Variants in SPIRE1 observed in about 807,000 individuals in gnomAD.
The protein encoded by SPIRE1 is spire type actin nucleation factor 1, also known as protein spire homolog 1.
SPIRE1 carries 40 observed loss-of-function variants against 94.1 expected under a neutral mutation model. The observed-to-expected ratio is 0.43, with a 90% CI of 0.33 to 0.55. The LOEUF is 0.55. SPIRE1 is among the 20% of genes least tolerant of loss of function. SPIRE1 has a pLI of 0.06. For synonymous variants in SPIRE1, 376 were observed against 371.7 expected, an observed-to-expected ratio of 1.01 and a Z score of -0.13; for missense variants, 838 against 975.2, an observed-to-expected ratio of 0.86 and a Z score of 1.87.
chr18:12,632,336 G>A (rs549457705), intron 2 of SPIRE1, among the ~76,000 whole-genome samples: 9 of 152,112 alleles, frequency 5.9e-5, no homozygotes, highest in Non-Finnish European at 1.0e-4. Flanking sequence ...CCTGGCTCAC[G>A]CACTCCAGGC....
At chr18:12,586,760 A>G (rs1352670449) in intron 2 of SPIRE1, among the ~76,000 whole-genome samples, 2 of 152,228 alleles carry the variant, frequency 1.3e-5, no homozygotes, top group Non-Finnish European at 2.9e-5. Context: ...ATGTGTCTGG[A>G]AACTCAAGCA....
At chr18:12,599,839 G>A (rs1025402410) in intron 2 of SPIRE1, among the ~76,000 whole-genome samples, 4 of 152,154 alleles carry the variant, frequency 2.6e-5, no homozygotes, top group African/African-American at 7.2e-5. Flanking sequence ...ACCTCCTGCT[G>A]TTCATGCCCT....
chr18:12,603,964 G>T (rs767194211), intron 2 of SPIRE1, among the ~76,000 whole-genome samples: 6 of 152,112 alleles, frequency 3.9e-5, no homozygotes, highest in Admixed American at 6.5e-5. Context: ...AGCTTCCAGA[G>T]AGCTGAACAT....
rs1451213324 is a variant in SPIRE1, at chr18:12,450,260, G to A, written c.2013-364C>T. Among the ~76,000 whole-genome samples, 5 of 151,964 alleles carry A rather than the reference G, an allele frequency of 3.3e-5. No individual in the cohort carries two copies. In the South Asian group the frequency reaches 6.2e-4, roughly 19 times the overall value. On this transcript the variant is annotated intron_variant, in intron 16 of 16. Coordinates refer to ENST00000409402, the MANE Select transcript of SPIRE1 (RefSeq NM_001128626.2). ...TGTAATCCCCACTTCTCTGGAGGCT[G>A]AGGCGGGAGAATCGCTTGAACCCGG...
At chr18:12,603,076 T>C (rs1205440618) in intron 2 of SPIRE1, among the ~76,000 whole-genome samples, 1 of 152,224 alleles carries the variant, frequency 6.6e-6, no homozygotes, top group Non-Finnish European at 1.5e-5. Flanking sequence ...CTAGCCTACC[T>C]TAAACAGGTT....
chr18:12,474,837 A>G (rs1598907373), intron 10 of SPIRE1, among the ~76,000 whole-genome samples: 1 of 152,030 alleles, frequency 6.6e-6, no homozygotes, highest in South Asian at 2.1e-4. Context: ...CCCCCAAAAA[A>G]CCATGTTTGG....
rs577318224 is a variant in SPIRE1 at position 12,552,400 on chromosome 18, G to A, written c.373-5496C>T. On this transcript the variant is annotated intron_variant, in intron 2 of 16. Coordinates refer to ENST00000409402, the MANE Select transcript of SPIRE1 (RefSeq NM_001128626.2). ...AAGAGACCCCTTTTTTCCACTTGAA[G>A]AGAGGAGAGGGAAAAGAGGACTATA... 6.6e-5 allele frequency among the ~76,000 whole-genome samples: 10 copies of A among 152,252 alleles called. No homozygotes were observed. The South Asian group carries it at 1.9e-3, about 28-fold the overall frequency.
At chr18:12,576,444 TG>T (rs2036100108) in intron 2 of SPIRE1, among the ~76,000 whole-genome samples, 1 of 150,794 alleles carries the variant, frequency 6.6e-6, no homozygotes, top group Non-Finnish European at 1.5e-5. Context: ...TAGCCAGGTG[TG>T]GTGGCGGGTG....
At chr18:12,461,761 G>T (rs2031873935) in intron 12 of SPIRE1, among the ~76,000 whole-genome samples, 1 of 152,038 alleles carries the variant, frequency 6.6e-6, no homozygotes, top group Non-Finnish European at 1.5e-5. Flanking sequence ...CTGAGTAGCT[G>T]GGATTACGGG....
At chr18:12,619,148 G>A (rs1341330870) in intron 2 of SPIRE1, among the ~76,000 whole-genome samples, 11 of 152,188 alleles carry the variant, frequency 7.2e-5, no homozygotes, top group Admixed American at 2.0e-4. Flanking sequence ...CGCCCGCCAC[G>A]GCCTCCCAAA....
chr18:12,552,126 C>T (rs1478897847), intron 2 of SPIRE1, among the ~76,000 whole-genome samples: 2 of 152,232 alleles, frequency 1.3e-5, no homozygotes, highest in Non-Finnish European at 2.9e-5. Context: ...AATGCCTATC[C>T]CCGTAGTGGG....
intron 3 of SPIRE1, among the ~76,000 whole-genome samples, chr18:12,539,091 C>T (rs1357526008): frequency 6.6e-6 from 1 of 152,212 alleles, no homozygotes; most frequent in African/African-American, 2.4e-5. Flanking sequence ...TCCAATCATT[C>T]ATTCAAACAA....
intron 2 of SPIRE1, among the ~76,000 whole-genome samples, chr18:12,584,840 C>T (rs533502823): frequency 3.3e-5 from 5 of 152,176 alleles, no homozygotes; most frequent in African/African-American, 7.2e-5. Flanking sequence ...AGTGCAGTGG[C>T]GCGATCGCAG....
intron 3 of SPIRE1, among the ~76,000 whole-genome samples, chr18:12,540,977 T>C (rs1388094422): frequency 3.3e-5 from 5 of 152,148 alleles, no homozygotes; most frequent in Non-Finnish European, 7.4e-5. Context: ...CTACCTGCCT[T>C]GGCCTCCCAA....
upstream of SPIRE1, among the ~76,000 whole-genome samples, chr18:12,659,442 C>G (rs1320510853): frequency 1.3e-5 from 2 of 152,022 alleles, no homozygotes; most frequent in African/African-American, 4.8e-5. Flanking sequence ...CTGAGGCGGG[C>G]AGATCACTGA....
intron 12 of SPIRE1, among the ~76,000 whole-genome samples, chr18:12,461,485 T>C (rs890738161): frequency 6.7e-6 from 1 of 148,238 alleles, no homozygotes; most frequent in Admixed American, 6.6e-5. Flanking sequence ...TACATACATA[T>C]GTGTGTATGC....
rs138940201 is a variant in SPIRE1 at position 12,518,563 on chromosome 18, G to A, written c.730-6032C>T. On this transcript the variant is annotated intron_variant, in intron 4 of 16. Coordinates refer to ENST00000409402, the MANE Select transcript of SPIRE1 (RefSeq NM_001128626.2). ...CCAGGCACAGTGTCTCATGCCTGTA[G>A]TCCCAACTACTCGGGAGGCTGAGGT... 1.1e-3 allele frequency among the ~76,000 whole-genome samples: 165 copies of A among 151,688 alleles called. 1 individual carries two copies. The highest frequency in any genetic ancestry group is 6.4e-3 in the East Asian group (33 of 5,160).
rs747047335 is a variant in SPIRE1, at chr18:12,449,688, G to A, written c.2221C>T (p.Pro741Ser). 3 of 1,614,174 alleles carry A rather than the reference G, an allele frequency of 1.9e-6. No individual in the cohort carries two copies. The highest frequency in any genetic ancestry group is 2.2e-5 in the South Asian group (2 of 91,082). Residue 741 changes from proline (P) to serine (S), a missense_variant, in exon 17 of 17, where the codon CCA becomes TCA. Physicochemically the swap from Pro to Ser is moderately conservative, Grantham distance 74. Transcript: ENST00000409402. ...RKTQSFYMSS[P>S]GPSEYCPSER... ...GAAGGGCAGTACTCCGAGGGGCCTG[G>A]CGAGGACATGTAGAAAGACTGCGTT... is the stretch of plus-strand genomic sequence containing the variant.
At chr18:12,504,731 C>T (rs1461852843) in intron 6 of SPIRE1, among the ~76,000 whole-genome samples, 1 of 152,020 alleles carries the variant, frequency 6.6e-6, no homozygotes, top group Admixed American at 6.6e-5. Flanking sequence ...GGGAGACAGA[C>T]AATAAATCCG....
Sources: allele counts gnomAD v4.1 joint callset (sites outside exome capture counted in the v4.1 genomes callset), GRCh38; gene constraint gnomAD v4.1.1; transcripts MANE v1.5; gene names NCBI Gene and HGNC (gene_info 2026-07-23, HGNC 2026-07-21).